DMGDH: variants seen among roughly 807,000 people sequenced by gnomAD.
The protein encoded by DMGDH is dimethylglycine dehydrogenase, mitochondrial.
In DMGDH, 76 loss-of-function variants were observed where a neutral mutation model predicts 95.2. That is an observed-to-expected ratio of 0.80 (90% CI 0.66 to 0.97). The LOEUF (loss-of-function observed/expected upper bound fraction) is 0.97. DMGDH is among the 50% of genes least tolerant of loss of function. The pLI, the probability that DMGDH is intolerant of heterozygous loss-of-function variation, is 0.00. For missense variants in DMGDH, 987 were observed against 1,055.0 expected (o/e 0.94, Z 0.89); for synonymous variants, 345 against 377.6 (o/e 0.91, Z 1.00).
chr5:79,048,371 T>G (rs1754740330), intron 5 of DMGDH, among the ~76,000 whole-genome samples: 1 of 152,166 alleles, frequency 6.6e-6, no homozygotes, highest in African/African-American at 2.4e-5. Flanking sequence ...AAATTTTTAC[T>G]CTTAGACTTT....
At chr5:79,057,480 T>A (rs1755064367) in intron 2 of DMGDH, among the ~76,000 whole-genome samples, 1 of 152,084 alleles carries the variant, frequency 6.6e-6, no homozygotes, top group South Asian at 2.1e-4. Context: ...GAGGCTTCCA[T>A]CCAGTACTTG....
rs1188263886 is a variant in DMGDH at position 79,051,481 on chromosome 5, C to A, written c.551G>T (p.Gly184Val). ...GTGACCATCTCCAGGATTATACAAT[C>A]CAGCTAAAACCTAAATCAATCATAC... ...PLLNMNKVLA[G>V]LYNPGDGHID... Residue 184 changes from glycine (G) to valine (V), a missense_variant, in exon 5 of 16, where the codon GGA becomes GTA. Physicochemically the swap from Gly to Val is moderately radical, Grantham distance 109. Transcript: ENST00000255189. The A allele has an allele frequency of 1.9e-6, 3 of 1,614,014 alleles. No homozygotes were observed. The highest frequency in any genetic ancestry group is 1.3e-5 in the African/African-American group (1 of 75,026).
chr5:79,027,658 A>G (rs78046439), intron 12 of DMGDH, among the ~76,000 whole-genome samples: 3,342 of 152,184 alleles, frequency 0.022, 117 homozygotes, highest in African/African-American at 0.075. Context: ...TGCTAGAGGA[A>G]GACATCTCAG....
intron 9 of DMGDH, among the ~76,000 whole-genome samples, chr5:79,032,411 C>T (rs1047199023): frequency 6.6e-6 from 1 of 152,172 alleles, no homozygotes; most frequent in African/African-American, 2.4e-5. Flanking sequence ...ATTTGGAGGG[C>T]GGTCGCAAGT....
intron 7 of DMGDH, among the ~76,000 whole-genome samples, chr5:79,037,849 A>G (rs1055936167): frequency 1.6e-4 from 24 of 152,374 alleles, no homozygotes; most frequent in African/African-American, 5.5e-4. Flanking sequence ...TAAAATACTT[A>G]GGAATAAATT....
intron 14 of DMGDH, among the ~76,000 whole-genome samples, chr5:79,011,310 T>C (rs1379790304): frequency 1.3e-5 from 2 of 152,320 alleles, no homozygotes; most frequent in South Asian, 2.1e-4. Flanking sequence ...TACAAAATTA[T>C]GGATCTTGCC....
At chr5:79,031,098 ACGGGC>A in intron 9 of DMGDH, 100 bp from the exon 10 acceptor site, 1 of 1,263,320 alleles carries the variant, frequency 7.9e-7, no homozygotes, top group Non-Finnish European at 1.1e-6. Context: ...AGAAAATCCT[ACGGGC>A]AGCGGGGAGT....
chr5:79,063,326 A>G (rs767091462), intron 2 of DMGDH, among the ~76,000 whole-genome samples: 15 of 152,198 alleles, frequency 9.9e-5, no homozygotes, highest in Non-Finnish European at 1.9e-4. Flanking sequence ...TAATATTCCT[A>G]TTAAGACATC....
rs771535311 is a variant in DMGDH, at chr5:79,033,320, C to A, written c.1282G>T (p.Asp428Tyr). Residue 428 changes from aspartate to tyrosine, a missense_variant, in exon 8 of 16, where the codon GAT (aspartate) becomes TAT (tyrosine). Physicochemically the swap from Asp to Tyr is radical, Grantham distance 160. Transcript: ENST00000255189. ...GEPPFDLIEL[D>Y]PNRYGKWTTT... ...GTCCATTTGCCATAGCGATTAGGAT[C>A]CAATTCTATCAGATCAAAAGGAGGT... 40 of 1,614,034 alleles carry A rather than the reference C, an allele frequency of 2.5e-5. No homozygotes were observed. The highest frequency in any genetic ancestry group is 3.2e-5 in the Non-Finnish European group (38 of 1,180,046).
chr5:79,067,018 T>G (rs1755401011), intron 1 of DMGDH, among the ~76,000 whole-genome samples: 1 of 152,236 alleles, frequency 6.6e-6, no homozygotes, highest in African/African-American at 2.4e-5. Flanking sequence ...TGTTTGTTGG[T>G]TGTTTATATT....
At chr5:79,060,617 G>A (rs184321667) in intron 2 of DMGDH, among the ~76,000 whole-genome samples, 10 of 152,010 alleles carry the variant, frequency 6.6e-5, no homozygotes, top group South Asian at 6.3e-4. Context: ...CAAATATCTC[G>A]GTGTTAAAAA....
chr5:79,035,644 A>C (rs1754327269), intron 7 of DMGDH, among the ~76,000 whole-genome samples: 1 of 142,410 alleles, frequency 7.0e-6, no homozygotes, highest in Admixed American at 7.1e-5. Context: ...TTGATTTCCT[A>C]TGGCCTGGCT....
intron 14 of DMGDH, among the ~76,000 whole-genome samples, chr5:79,006,850 C>CCCCGCCG (rs142991064): frequency 1.4e-4 from 21 of 147,672 alleles, no homozygotes; most frequent in Admixed American, 2.7e-4. Flanking sequence ...CTGAGACCCC[C>CCCCGCCG]CCAGTCCATT....
intron 14 of DMGDH, chr5:79,021,640 G>C (rs1277467647): frequency 7.6e-7 from 1 of 1,318,580 alleles, no homozygotes; most frequent in African/African-American, 1.5e-5. Flanking sequence ...TGCTCACCCA[G>C]CCATTTTCCT....
At chr5:79,016,266 GA>G (rs1212097055) in intron 14 of DMGDH, among the ~76,000 whole-genome samples, 1 of 150,284 alleles carries the variant, frequency 6.7e-6, no homozygotes, top group Non-Finnish European at 1.5e-5. Context: ...GCAAGAAAAA[GA>G]AAAAAAAGAT....
chr5:79,017,041 C>T (rs1440602461), intron 14 of DMGDH, among the ~76,000 whole-genome samples: 1 of 151,924 alleles, frequency 6.6e-6, no homozygotes, highest in Non-Finnish European at 1.5e-5. Context: ...ACAAGATCAA[C>T]TAAAAATGGA....
chr5:79,044,642 T>C (rs1754618047), intron 5 of DMGDH, 90 bp from the exon 6 acceptor site: 1 of 1,469,930 alleles, frequency 6.8e-7, no homozygotes, highest in African/African-American at 1.4e-5. Context: ...ATAAAATGTT[T>C]AGAAGGCTTA....
intron 15 of DMGDH, chr5:79,000,884 C>A (rs1753440738): frequency 3.1e-6 from 2 of 653,076 alleles, no homozygotes; most frequent in Non-Finnish European, 5.6e-6. Context: ...CAAGTTCTTG[C>A]CCTTTAAGCC....
At chr5:79,029,158 C>T (rs1017921668) in intron 11 of DMGDH, among the ~76,000 whole-genome samples, 6 of 152,068 alleles carry the variant, frequency 3.9e-5, no homozygotes, top group Admixed American at 1.3e-4. Context: ...AGCTATAGGG[C>T]TGGTTTCTAA....
Sources: allele counts gnomAD v4.1 joint callset (sites outside exome capture counted in the v4.1 genomes callset), GRCh38; gene constraint gnomAD v4.1.1; transcripts MANE v1.5; gene names NCBI Gene and HGNC (gene_info 2026-07-23, HGNC 2026-07-21).